Variants in FRMPD4 observed in about 807,000 individuals in gnomAD.
The protein encoded by FRMPD4 is FERM and PDZ domain-containing protein 4.
A neutral mutation model predicts 94.1 loss-of-function variants in FRMPD4; 22 were observed. That is an observed-to-expected ratio of 0.23 (90% CI 0.17 to 0.33). FRMPD4 has a LOEUF of 0.33. FRMPD4 is among the 10% of genes least tolerant of loss of function. The probability of loss-of-function intolerance (pLI) is 1.00; values close to 1 mark genes in which losing one functional copy is unlikely to be tolerated. For missense variants in FRMPD4, 1,111 were observed against 1,339.9 expected, an observed-to-expected ratio of 0.83 and a Z score of 2.67; for synonymous variants, 631 against 548.6, an observed-to-expected ratio of 1.15 and a Z score of -2.10.
In FRMPD4 at chrX:12,192,360, G is replaced by A. The variant is rs185510074; in HGVS notation, c.41+53348G>A. On this transcript the variant is annotated intron_variant, in intron 1 of 16. Transcript: ENST00000675598. ...ACTCACCTATGCTATTCCTGTAGTG[G>A]TATTTAGGAGATGTGGCATTCTTTA... Among the ~76,000 whole-genome samples, 419 of 112,114 alleles carry A rather than the reference G, an allele frequency of 3.7e-3. 1 individual carries two copies. The highest frequency in any genetic ancestry group is 0.013 in the African/African-American group (397 of 30,892).
chrX:12,259,184 G>A (rs1170103719), intron 1 of FRMPD4, among the ~76,000 whole-genome samples: 1 of 111,868 alleles, frequency 8.9e-6, no homozygotes, highest in African/African-American at 3.2e-5. Flanking sequence ...CCATCTTGGA[G>A]TCCTGCCTTC....
At chrX:12,554,362 G>A (rs1477849505) in intron 2 of FRMPD4, among the ~76,000 whole-genome samples, 2 of 111,582 alleles carry the variant, frequency 1.8e-5, no homozygotes, top group Non-Finnish European at 3.8e-5. Context: ...GATGATGGTG[G>A]TTCATATGCA....
intron 1 of FRMPD4, among the ~76,000 whole-genome samples, chrX:12,264,202 T>C (rs762189042): frequency 2.7e-5 from 3 of 111,842 alleles, no homozygotes; most frequent in Non-Finnish European, 3.8e-5. Context: ...AAGCCAGTTT[T>C]CAGTAGAGGA....
chrX:12,601,575 G>C (rs150069899), intron 2 of FRMPD4, among the ~76,000 whole-genome samples: 144 of 111,718 alleles, frequency 1.3e-3, no homozygotes, highest in African/African-American at 3.7e-3. Context: ...GATGGTTTCT[G>C]TTTTCTCATG....
intron 1 of FRMPD4, among the ~76,000 whole-genome samples, chrX:11,852,166 G>T (rs746550704): frequency 1.8e-5 from 2 of 110,828 alleles, no homozygotes; most frequent in African/African-American, 6.5e-5. Context: ...GCTTTGGTGG[G>T]GATTGAGGTA....
chrX:12,498,265 G>A (rs992759184), intron 1 of FRMPD4, among the ~76,000 whole-genome samples: 2 of 111,775 alleles, frequency 1.8e-5, no homozygotes, highest in African/African-American at 6.5e-5. Flanking sequence ...GTTAAGGTCT[G>A]AGGAAGTCTT....
intron 3 of FRMPD4, among the ~76,000 whole-genome samples, chrX:12,109,743 C>A (rs2055338256): frequency 8.9e-6 from 1 of 111,821 alleles, no homozygotes; most frequent in East Asian, 2.8e-4. Context: ...GGGATATCAC[C>A]ACTGATCCCA....
chrX:12,417,114 G>A (rs906617008), intron 1 of FRMPD4, among the ~76,000 whole-genome samples: 1 of 110,941 alleles, frequency 9.0e-6, no homozygotes, highest in African/African-American at 3.3e-5. Context: ...TTCTTCAGTC[G>A]ATTCATTTAT....
Position 12,721,024 on chromosome X carries a change from A to G in FRMPD4, c.4455A>G (p.Thr1485=), listed in dbSNP as rs1325605373. Residue 1485 remains threonine (T), a synonymous_variant, in exon 17 of 17, where the codon ACA becomes ACG. Transcript: ENST00000675598. ...ATAAAGACTCAAAGCTGTATAGGAC[A>G]TTACCCTTGCGGAAGCTGGAGGGCA... ...VAHKDSKLYR[T]LPLRKLEGSN... 1.3e-6 allele frequency: 1 copy of G among 759,167 alleles called. No homozygotes were observed. The highest frequency in any genetic ancestry group is 2.3e-5 in the African/African-American group (1 of 43,932). The allele number at this position is 759,167 out of a possible 1,213,427, so 62.6% of individuals were successfully genotyped here. A position where few individuals can be genotyped will look rare whatever the true frequency, so the allele number is the denominator to read the frequency against.
intron 3 of FRMPD4, among the ~76,000 whole-genome samples, chrX:12,125,551 G>T (rs771666774): frequency 3.6e-5 from 4 of 109,660 alleles, no homozygotes; most frequent in Non-Finnish European, 7.6e-5. Flanking sequence ...AATCCCCCCC[G>T]GTCCTTATCT....
At chrX:12,240,014 G>A (rs1384990334) in intron 1 of FRMPD4, among the ~76,000 whole-genome samples, 5 of 112,297 alleles carry the variant, frequency 4.5e-5, no homozygotes, top group Non-Finnish European at 7.5e-5. Flanking sequence ...TACATAACAC[G>A]TGGTTTTGAC....
At chrX:12,476,886 C>A in intron 1 of FRMPD4, among the ~76,000 whole-genome samples, 1 of 111,794 alleles carries the variant, frequency 8.9e-6, no homozygotes, top group Non-Finnish European at 1.9e-5. Context: ...ACTAGTTCAA[C>A]CATTGTGGAA....
In FRMPD4 at chrX:12,723,933, A is replaced by C. The variant is rs1451908670; in HGVS notation, c.*2075A>C. On this transcript the variant is annotated 3_prime_UTR_variant, in exon 17 of 17. Transcript: ENST00000675598. Reference sequence around the variant, plus strand: ...GATCGATTTCCATAGGGTTGTCATGAGTTTTGAGTAAAAATGTGTATGTAA... The same window carrying C: ...GATCGATTTCCATAGGGTTGTCATGCGTTTTGAGTAAAAATGTGTATGTAA... The C allele has an allele frequency of 8.9e-6, 1 of 111,933 alleles. No homozygotes were observed. The highest frequency in any genetic ancestry group is 2.8e-4 in the East Asian group (1 of 3,610). The allele number at this position is 111,933 out of a possible 1,213,427, so 9.2% of individuals were successfully genotyped here.
chrX:12,180,688 C>A (rs758498562), intron 1 of FRMPD4, among the ~76,000 whole-genome samples: 147 of 112,472 alleles, frequency 1.3e-3, no homozygotes, highest in African/African-American at 4.6e-3. Context: ...TCTGGAAGAT[C>A]CATGTAACAA....
intron 1 of FRMPD4, among the ~76,000 whole-genome samples, chrX:12,380,662 C>T (rs866595852): frequency 1.2e-4 from 14 of 112,313 alleles, no homozygotes; most frequent in African/African-American, 4.2e-4. Flanking sequence ...CCCGACCTTG[C>T]GTTGCCTGTT....
chrX:12,345,498 C>A (rs971563593), intron 1 of FRMPD4, among the ~76,000 whole-genome samples: 7 of 111,922 alleles, frequency 6.3e-5, no homozygotes, highest in Non-Finnish European at 1.3e-4. Context: ...GGCTTCTACC[C>A]AGAGAAACAT....
intron 2 of FRMPD4, among the ~76,000 whole-genome samples, chrX:12,547,322 A>C (rs967293504): frequency 2.7e-5 from 3 of 111,530 alleles, no homozygotes; most frequent in Non-Finnish European, 3.8e-5. Flanking sequence ...TCCAGAAGCC[A>C]TGCTTTGGTC....
chrX:11,996,935 A>G (rs1034784359), intron 3 of FRMPD4, among the ~76,000 whole-genome samples: 1 of 111,785 alleles, frequency 8.9e-6, no homozygotes, highest in Non-Finnish European at 1.9e-5. Context: ...TAGTCCTTGC[A>G]GCTCTAAAAA....
intron 3 of FRMPD4, among the ~76,000 whole-genome samples, chrX:11,933,596 C>A (rs1347199897): frequency 3.6e-5 from 4 of 112,570 alleles, no homozygotes; most frequent in Non-Finnish European, 7.5e-5. Context: ...TCCAAAGAAT[C>A]AAAAATGTCA....
Sources: allele counts gnomAD v4.1 joint callset (sites outside exome capture counted in the v4.1 genomes callset), GRCh38; gene constraint gnomAD v4.1.1; transcripts MANE v1.5; gene names NCBI Gene and HGNC (gene_info 2026-07-23, HGNC 2026-07-21).